Variants in NR2F1-AS1 observed in about 807,000 individuals in gnomAD.
NR2F1-AS1 encodes NR2F1 regulatory antisense RNA 1.
At chr5:93,581,153 CA>C, upstream of NR2F1-AS1, 1 of 152,378 alleles carries the variant, frequency 6.6e-6, no homozygotes, top group African/African-American at 2.4e-5. Context: ...TCTGTCAATA[CA>C]GCGTGGCCAT....
intron 4 of NR2F1-AS1, among the ~76,000 whole-genome samples, chr5:93,519,529 T>C (rs1023453723): frequency 6.6e-6 from 1 of 151,994 alleles, no homozygotes; most frequent in Non-Finnish European, 1.5e-5. Flanking sequence ...ACTGTATGTT[T>C]TGGTAATAAC....
At chr5:93,557,539 A>C (rs1465258411) in intron 2 of NR2F1-AS1, among the ~76,000 whole-genome samples, 17 of 152,192 alleles carry the variant, frequency 1.1e-4, no homozygotes. Context: ...ATGTCTAAAA[A>C]ACTATGTACA....
At chr5:93,539,707 A>G (rs529479461) in intron 4 of NR2F1-AS1, among the ~76,000 whole-genome samples, 3 of 152,170 alleles carry the variant, frequency 2.0e-5, no homozygotes, top group Non-Finnish European at 1.5e-5. Flanking sequence ...CAGTAAGGTA[A>G]CTATGGTTAA....
At chr5:93,572,543 G>T (rs141606917) in intron 1 of NR2F1-AS1, among the ~76,000 whole-genome samples, 2,264 of 152,300 alleles carry the variant, frequency 0.015, 58 homozygotes, top group Non-Finnish European at 0.016. Flanking sequence ...GCAACAACGC[G>T]CTGTCAGCCC....
At chr5:93,438,239 G>A (rs1312538017) in intron 4 of NR2F1-AS1, among the ~76,000 whole-genome samples, 1 of 152,176 alleles carries the variant, frequency 6.6e-6, no homozygotes, top group Admixed American at 6.5e-5. Flanking sequence ...AATCTATCTA[G>A]GCTCATTGTC....
intron 4 of NR2F1-AS1, among the ~76,000 whole-genome samples, chr5:93,493,350 CTGTA>C (rs1277245353): frequency 6.6e-6 from 1 of 151,974 alleles, no homozygotes; most frequent in Non-Finnish European, 1.5e-5. Context: ...AAGACATACA[CTGTA>C]TGTCTTTTAT....
At chr5:93,489,415 GTA>G (rs147424258) in intron 4 of NR2F1-AS1, among the ~76,000 whole-genome samples, 69 of 148,540 alleles carry the variant, frequency 4.6e-4, no homozygotes, top group Non-Finnish European at 8.2e-4. Context: ...TTTAATTAAG[GTA>G]TATATATATA....
chr5:93,470,078 A>T lies in NR2F1-AS1; in HGVS notation n.639-74536T>A, dbSNP rs201079263. The stretch of plus-strand genomic sequence containing the variant: ...AATAACTCATAGCCACAAAAGGTAA[A>T]TATTTACAGGACAGAAATCTAGAAC... On this transcript the variant is annotated intron_variant and non_coding_transcript_variant, in intron 4 of 5. Coordinates refer to ENST00000660523, the Ensembl canonical transcript of NR2F1-AS1. 5.5e-4 allele frequency among the ~76,000 whole-genome samples: 83 copies of T among 152,162 alleles called. No homozygotes were observed. In the East Asian group the frequency reaches 7.7e-3, roughly 14 times the overall value.
At chr5:93,478,922 C>T (rs963429597) in intron 4 of NR2F1-AS1, among the ~76,000 whole-genome samples, 2 of 152,066 alleles carry the variant, frequency 1.3e-5, no homozygotes, top group Non-Finnish European at 2.9e-5. Flanking sequence ...TAAGAATGAA[C>T]GTGGAGGAAA....
At chr5:93,421,096 T>C (rs1225376904) in intron 4 of NR2F1-AS1, among the ~76,000 whole-genome samples, 2 of 152,202 alleles carry the variant, frequency 1.3e-5, no homozygotes, top group African/African-American at 4.8e-5. Flanking sequence ...CTTGACTGGC[T>C]CTGTGCAATT....
intron 4 of NR2F1-AS1, among the ~76,000 whole-genome samples, chr5:93,490,727 T>A (rs2149879924): frequency 6.7e-6 from 1 of 150,282 alleles, no homozygotes; most frequent in Non-Finnish European, 1.5e-5. Context: ...TGGTTGTTCC[T>A]GGTAATGGTG....
chr5:93,543,056 T>C (rs903019689), intron 4 of NR2F1-AS1: 7 of 152,244 alleles, frequency 4.6e-5, no homozygotes, highest in Admixed American at 4.6e-4. Flanking sequence ...GACCAGGTTC[T>C]CATCACCTTG....
intron 4 of NR2F1-AS1, among the ~76,000 whole-genome samples, chr5:93,488,803 G>A (rs1302637460): frequency 1.3e-5 from 2 of 152,172 alleles, no homozygotes; most frequent in Non-Finnish European, 2.9e-5. Context: ...GCACACATAT[G>A]TTTATTGCAG....
intron 4 of NR2F1-AS1, among the ~76,000 whole-genome samples, chr5:93,506,741 G>C (rs1268111273): frequency 2.6e-5 from 4 of 151,990 alleles, no homozygotes; most frequent in African/African-American, 9.7e-5. Context: ...AGCTCCCCCG[G>C]GTCCCTCCCA....
intron 4 of NR2F1-AS1, among the ~76,000 whole-genome samples, chr5:93,487,002 A>T (rs979611441): frequency 5.3e-5 from 8 of 152,234 alleles, no homozygotes; most frequent in African/African-American, 1.9e-4. Context: ...AAACCTTATG[A>T]TTATCTCAAC....
chr5:93,524,981 C>T (rs975965348), intron 4 of NR2F1-AS1, among the ~76,000 whole-genome samples: 5 of 152,104 alleles, frequency 3.3e-5, no homozygotes, highest in South Asian at 2.1e-4. Flanking sequence ...AGCATCATAA[C>T]GACAGGATCA....
At chr5:93,514,641 G>A (rs1751366202) in intron 4 of NR2F1-AS1, among the ~76,000 whole-genome samples, 1 of 151,986 alleles carries the variant, frequency 6.6e-6, no homozygotes, top group South Asian at 2.1e-4. Flanking sequence ...CTTAAGAAAA[G>A]CATTTTAGTT....
intron 4 of NR2F1-AS1, among the ~76,000 whole-genome samples, chr5:93,430,522 T>C (rs1749288664): frequency 6.6e-6 from 1 of 152,300 alleles, no homozygotes; most frequent in South Asian, 2.1e-4. Flanking sequence ...TGTATGTCGA[T>C]ATATACATAT....
intron 4 of NR2F1-AS1, among the ~76,000 whole-genome samples, chr5:93,518,095 T>C (rs1355418750): frequency 6.6e-6 from 1 of 152,060 alleles, no homozygotes; most frequent in African/African-American, 2.4e-5. Flanking sequence ...GTGCCCACCT[T>C]CTCTGAGATT....
Sources: gnomAD v4.1 joint callset for allele counts (sites outside exome capture counted in the v4.1 genomes callset) on GRCh38, gnomAD v4.1.1 for gene constraint, MANE v1.5 for transcripts, NCBI Gene and HGNC (gene_info 2026-07-23, HGNC 2026-07-21) for gene names.